Variants in ARL15 observed in about 807,000 individuals in gnomAD.
ARL15 encodes the protein ADP-ribosylation factor-like protein 15.
A neutral mutation model predicts 25.2 loss-of-function variants in ARL15; 19 were observed. The ratio of observed to expected loss-of-function variants is 0.75; its 90% confidence interval spans 0.53 to 1.10. ARL15 has a LOEUF of 1.10. ARL15 is among the 50% of genes least tolerant of loss of function. The pLI, the probability that ARL15 is intolerant of heterozygous loss-of-function variation, is 0.00. For synonymous variants in ARL15, 94 were observed against 86.8 expected (o/e 1.08, Z -0.46); for missense variants, 220 against 246.0 (o/e 0.89, Z 0.71).
intron 4 of ARL15, among the ~76,000 whole-genome samples, chr5:53,894,752 G>A (rs951251432): frequency 6.6e-6 from 1 of 152,028 alleles, no homozygotes; most frequent in South Asian, 2.1e-4. Flanking sequence ...CCAACCCTAG[G>A]TGCCTCCATC....
At chr5:54,106,191 C>T (rs1051973805) in intron 4 of ARL15, among the ~76,000 whole-genome samples, 3 of 152,200 alleles carry the variant, frequency 2.0e-5, no homozygotes, top group African/African-American at 7.2e-5. Context: ...CTTTTTAAAA[C>T]TATGTATTAA....
chr5:54,280,227 T>C (rs1386649696), intron 1 of ARL15, among the ~76,000 whole-genome samples: 1 of 152,218 alleles, frequency 6.6e-6, no homozygotes, highest in Admixed American at 6.5e-5. Context: ...TTCCTCCCTC[T>C]TTCCACTTCA....
chr5:54,242,816 G>A (rs538951320), intron 1 of ARL15, among the ~76,000 whole-genome samples: 6 of 152,120 alleles, frequency 3.9e-5, no homozygotes, highest in Non-Finnish European at 7.4e-5. Context: ...TTACAGTTTG[G>A]GGCTGCAAAC....
At chr5:54,084,437 A>G (rs1338046339) in intron 4 of ARL15, among the ~76,000 whole-genome samples, 11 of 151,554 alleles carry the variant, frequency 7.3e-5, no homozygotes, top group Non-Finnish European at 1.3e-4. Flanking sequence ...AAAAAAAAAA[A>G]AGAGAGACTG....
intron 4 of ARL15, among the ~76,000 whole-genome samples, chr5:53,986,526 C>T (rs930224834): frequency 6.6e-6 from 1 of 152,194 alleles, no homozygotes; most frequent in South Asian, 2.1e-4. Flanking sequence ...GTCTAGGGTA[C>T]AGCCTAGGAA....
intron 4 of ARL15, among the ~76,000 whole-genome samples, chr5:53,949,884 G>A (rs1746886849): frequency 6.6e-6 from 1 of 152,046 alleles, no homozygotes; most frequent in Admixed American, 6.6e-5. Context: ...CTAAACAAAA[G>A]CAAAAACTTA....
chr5:54,014,202 T>C (rs1749333298), intron 4 of ARL15, among the ~76,000 whole-genome samples: 1 of 152,032 alleles, frequency 6.6e-6, no homozygotes, highest in Non-Finnish European at 1.5e-5. Context: ...AAAACACTAC[T>C]CCCTGGTATA....
intron 3 of ARL15, among the ~76,000 whole-genome samples, chr5:54,117,354 C>T: frequency 7.8e-6 from 1 of 128,636 alleles, no homozygotes; most frequent in African/African-American, 3.0e-5. Context: ...ATGGTACCTG[C>T]AAATAGTGAG....
intron 4 of ARL15, among the ~76,000 whole-genome samples, chr5:54,095,979 C>T (rs937893680): frequency 3.3e-5 from 5 of 152,078 alleles, no homozygotes; most frequent in African/African-American, 1.2e-4. Context: ...GCATATCACA[C>T]AAAGTCCAAA....
chr5:53,946,025 T>C (rs906922243), intron 4 of ARL15, among the ~76,000 whole-genome samples: 6 of 152,224 alleles, frequency 3.9e-5, no homozygotes, highest in African/African-American at 1.4e-4. Flanking sequence ...TGTGTGGCAT[T>C]GGGAACCCTC....
chr5:53,887,237 C>T (rs1744556815), intron 4 of ARL15: 7 of 592,482 alleles, frequency 1.2e-5, no homozygotes, highest in Non-Finnish European at 2.1e-5. Context: ...TTTCTAGTAT[C>T]TGCTTCTGAG....
intron 1 of ARL15, among the ~76,000 whole-genome samples, chr5:54,309,398 A>G (rs1228428883): frequency 6.6e-6 from 1 of 152,244 alleles, no homozygotes; most frequent in East Asian, 1.9e-4. Context: ...GCATGCACAG[A>G]CTTTCTCAGT....
At chr5:54,027,010 A>G (rs181450471) in intron 4 of ARL15, among the ~76,000 whole-genome samples, 2 of 152,066 alleles carry the variant, frequency 1.3e-5, no homozygotes, top group African/African-American at 4.8e-5. Flanking sequence ...AAATCTTAAG[A>G]TTTTCTTTCT....
intron 1 of ARL15, among the ~76,000 whole-genome samples, chr5:54,226,689 C>A (rs1433569136): frequency 1.3e-5 from 2 of 152,114 alleles, no homozygotes; most frequent in African/African-American, 4.8e-5. Context: ...CCTTTAAAAT[C>A]CACAGCAGAA....
chr5:54,131,217 A>C (rs1162234951), intron 3 of ARL15, among the ~76,000 whole-genome samples: 3 of 152,178 alleles, frequency 2.0e-5, no homozygotes, highest in Non-Finnish European at 4.4e-5. Flanking sequence ...TAGTCCAAAG[A>C]GCTTATTAGC....
At chr5:54,097,770 G>T (rs1043885427) in intron 4 of ARL15, among the ~76,000 whole-genome samples, 3 of 152,182 alleles carry the variant, frequency 2.0e-5, no homozygotes, top group African/African-American at 7.2e-5. Context: ...GGTGGAGGAA[G>T]GAAGAACTTT....
Position 54,163,355 on chromosome 5 carries a change from G to GTTTTTTTTTTTTTTTTTTT in ARL15, c.193+8428_193+8429insAAAAAAAAAAAAAAAAAAA, listed in dbSNP as rs1754465268. 3.3e-3 allele frequency among the ~76,000 whole-genome samples: 170 copies of GTTTTTTTTTTTTTTTTTTT among 51,346 alleles called. 71 individuals carry two copies. Among genetic ancestry groups the GTTTTTTTTTTTTTTTTTTT allele is most frequent in the African/African-American group, 4.1e-3 (49 of 12,092 alleles). 33.7% of individuals were successfully genotyped at this position (51,346 alleles called of 152,430 possible). ...TGTCCATGAGGGCTATTGGTATGAA[G>GTTTTTTTTTTTTTTTTTTT]CTTTTTTTTTTTTTTTTTTTTTTTT... is the stretch of plus-strand genomic sequence containing the variant. On this transcript the variant is annotated intron_variant, in intron 2 of 4. Transcript: ENST00000504924.
chr5:54,240,198 G>A (rs1291921888), intron 1 of ARL15, among the ~76,000 whole-genome samples: 4 of 149,112 alleles, frequency 2.7e-5, no homozygotes, highest in Admixed American at 6.7e-5. Flanking sequence ...CTGCACTCTA[G>A]CCTGGGCGAC....
intron 1 of ARL15, among the ~76,000 whole-genome samples, chr5:54,192,512 C>T (rs371488723): frequency 4.6e-5 from 7 of 151,644 alleles, no homozygotes; most frequent in South Asian, 2.1e-4. Flanking sequence ...ATATTCTAGC[C>T]GCATTTTTCT....
Sources: allele counts gnomAD v4.1 joint callset (sites outside exome capture counted in the v4.1 genomes callset), GRCh38; gene constraint gnomAD v4.1.1; transcripts MANE v1.5; gene names NCBI Gene and HGNC (gene_info 2026-07-23, HGNC 2026-07-21).